CCSER1: variants seen among roughly 807,000 people sequenced by gnomAD.
CCSER1 encodes coiled-coil serine rich protein 1, also known as serine-rich coiled-coil domain-containing protein 1.
CCSER1 carries 41 observed loss-of-function variants against 82.0 expected under a neutral mutation model. That is an observed-to-expected ratio of 0.50 (90% CI 0.39 to 0.65). The LOEUF is 0.65. Ranked by LOEUF, CCSER1 falls within the 30% of genes least tolerant of loss-of-function variation. CCSER1 has a pLI of 0.00. For synonymous variants in CCSER1, 414 were observed against 383.9 expected (o/e 1.08, Z -0.92); for missense variants, 1,119 against 1,064.2 (o/e 1.05, Z -0.72).
At chr4:90,760,351 T>C (rs1750228182) in intron 7 of CCSER1, among the ~76,000 whole-genome samples, 1 of 152,036 alleles carries the variant, frequency 6.6e-6, no homozygotes, top group Non-Finnish European at 1.5e-5. Context: ...AGATATGAGC[T>C]AATTTGTATT....
At chr4:90,916,994 T>A (rs1727554400) in intron 8 of CCSER1, among the ~76,000 whole-genome samples, 1 of 152,108 alleles carries the variant, frequency 6.6e-6, no homozygotes, top group Non-Finnish European at 1.5e-5. Flanking sequence ...AGAATGGTGA[T>A]CATTAAAAAG....
intron 10 of CCSER1, among the ~76,000 whole-genome samples, chr4:91,521,892 T>C (rs984915228): frequency 3.3e-5 from 5 of 152,128 alleles, no homozygotes; most frequent in Admixed American, 2.6e-4. Flanking sequence ...TAATTAGATC[T>C]CATTTGTTAA....
chr4:90,488,002 A>C (rs1767382347), intron 5 of CCSER1, among the ~76,000 whole-genome samples: 1 of 152,156 alleles, frequency 6.6e-6, no homozygotes, highest in Non-Finnish European at 1.5e-5. Context: ...TCTTCTTATA[A>C]GGATTGCCAT....
intron 5 of CCSER1, 141 bp downstream of exon 5, chr4:90,468,495 A>G: frequency 7.5e-6 from 5 of 668,036 alleles, no homozygotes; most frequent in Non-Finnish European, 1.2e-5. Flanking sequence ...CATCTATTCT[A>G]TATTATCTTA....
chr4:91,595,686 G>C (rs1764529690), intron 10 of CCSER1, among the ~76,000 whole-genome samples: 2 of 151,972 alleles, frequency 1.3e-5, no homozygotes, highest in African/African-American at 4.8e-5. Flanking sequence ...AGGAAGCTTA[G>C]GTAACTTGCC....
intron 4 of CCSER1, among the ~76,000 whole-genome samples, chr4:90,461,644 C>T (rs907029576): frequency 1.3e-5 from 2 of 152,002 alleles, no homozygotes; most frequent in Non-Finnish European, 2.9e-5. Context: ...ACACTCTTTC[C>T]TGTGCTTGGC....
At chr4:91,382,506 C>A (rs1750982620) in intron 10 of CCSER1, among the ~76,000 whole-genome samples, 1 of 152,228 alleles carries the variant, frequency 6.6e-6, no homozygotes, top group Non-Finnish European at 1.5e-5. Flanking sequence ...CCCTCTGAGC[C>A]AGGCATGGGA....
chr4:90,188,699 G>A (rs891748578), intron 1 of CCSER1, among the ~76,000 whole-genome samples: 1 of 151,880 alleles, frequency 6.6e-6, no homozygotes, highest in Admixed American at 6.6e-5. Context: ...GGCGCATCTA[G>A]AATAATGAAT....
intron 9 of CCSER1, among the ~76,000 whole-genome samples, chr4:90,957,098 CTTTTTTTTTTTT>C (rs1215668480): frequency 3.5e-5 from 3 of 86,680 alleles, no homozygotes; most frequent in South Asian, 4.4e-4. Flanking sequence ...TCTTTCTTTC[CTTTTTTTTTTTT>C]TTTTTTTTTT....
intron 10 of CCSER1, among the ~76,000 whole-genome samples, chr4:91,438,138 C>T (rs907261266): frequency 3.3e-5 from 5 of 152,190 alleles, no homozygotes; most frequent in Admixed American, 6.5e-5. Flanking sequence ...GTGGTTCTCC[C>T]AGCACACAGC....
At chr4:90,166,753 T>G (rs1730526058) in intron 1 of CCSER1, among the ~76,000 whole-genome samples, 1 of 151,978 alleles carries the variant, frequency 6.6e-6, no homozygotes, top group Non-Finnish European at 1.5e-5. Flanking sequence ...ATTGCAAATG[T>G]TAAAAGAGTT....
chr4:90,812,668 A>C (rs1305315373), intron 7 of CCSER1, among the ~76,000 whole-genome samples: 1 of 152,224 alleles, frequency 6.6e-6, no homozygotes, highest in Non-Finnish European at 1.5e-5. Flanking sequence ...TGGGTAATAC[A>C]TAAAACAAAG....
chr4:91,461,121 G>T (rs1185784599), intron 10 of CCSER1, among the ~76,000 whole-genome samples: 1 of 152,114 alleles, frequency 6.6e-6, no homozygotes, highest in Admixed American at 6.6e-5. Flanking sequence ...CCAAAGACTT[G>T]CTCATAGCCC....
intron 10 of CCSER1, among the ~76,000 whole-genome samples, chr4:91,506,871 G>A (rs1031153395): frequency 3.3e-5 from 5 of 152,028 alleles, no homozygotes; most frequent in Non-Finnish European, 5.9e-5. Flanking sequence ...TATTTTGGAC[G>A]TTCATGTATA....
chr4:90,550,532 T>C (rs1203806380), intron 5 of CCSER1, among the ~76,000 whole-genome samples: 1 of 152,128 alleles, frequency 6.6e-6, no homozygotes, highest in Non-Finnish European at 1.5e-5. Context: ...ATTTAAACTA[T>C]CACAAATTAA....
chr4:90,354,582 A>G (rs1165676323), intron 3 of CCSER1, among the ~76,000 whole-genome samples: 1 of 152,126 alleles, frequency 6.6e-6, no homozygotes, highest in Non-Finnish European at 1.5e-5. Flanking sequence ...TCAAATCATC[A>G]TATTGTACAC....
chr4:90,502,871 T>A (rs1770122854), intron 5 of CCSER1, among the ~76,000 whole-genome samples: 1 of 151,094 alleles, frequency 6.6e-6, no homozygotes, highest in Non-Finnish European at 1.5e-5. Flanking sequence ...TTTTAAGCCA[T>A]TTTTTTTTCT....
intron 9 of CCSER1, among the ~76,000 whole-genome samples, chr4:90,952,077 A>G (rs1030410334): frequency 6.6e-6 from 1 of 152,142 alleles, no homozygotes; most frequent in African/African-American, 2.4e-5. Flanking sequence ...ATTCACCAGT[A>G]AAGTCACCTT....
At chr4:90,875,558 C>A in intron 8 of CCSER1, among the ~76,000 whole-genome samples, 1 of 152,134 alleles carries the variant, frequency 6.6e-6, no homozygotes, top group African/African-American at 2.4e-5. Flanking sequence ...TGCCTTAATA[C>A]AATAAGATAT....
Sources: allele counts gnomAD v4.1 joint callset (sites outside exome capture counted in the v4.1 genomes callset), GRCh38; gene constraint gnomAD v4.1.1; transcripts MANE v1.5; gene names NCBI Gene and HGNC (gene_info 2026-07-23, HGNC 2026-07-21).